The following SDCBP variants were observed in gnomAD, a reference collection of about 807,000 sequenced individuals.
SDCBP encodes syndecan binding protein, also known as syntenin-1.
In SDCBP, 22 loss-of-function variants were observed where a neutral mutation model predicts 30.5. The ratio of observed to expected loss-of-function variants is 0.72; its 90% CI spans 0.52 to 1.03. SDCBP has a LOEUF of 1.03. Among genes scored for constraint, SDCBP ranks in the 50% least tolerant of loss-of-function variants. SDCBP has a pLI of 0.00. For missense variants in SDCBP, 304 were observed against 369.9 expected (o/e 0.82, Z 1.46); for synonymous variants, 103 against 118.7 (o/e 0.87, Z 0.86).
chr8:58,554,789 T>C (rs1444362093), intron 1 of SDCBP, among the ~76,000 whole-genome samples: 2 of 152,228 alleles, frequency 1.3e-5, no homozygotes, highest in African/African-American at 2.4e-5. Context: ...CCCAAATAAC[T>C]TTGAAATACT....
chr8:58,581,809 C>T lies in SDCBP; in HGVS notation c.*69C>T. The T allele has an allele frequency of 7.8e-7, 1 of 1,277,240 alleles. No individual in the cohort carries two copies. Among genetic ancestry groups the T allele is most frequent in the Non-Finnish European group, 1.1e-6 (1 of 875,702 alleles). The allele number at this position is 1,277,240 out of a possible 1,614,324, so 79.1% of individuals were successfully genotyped here. A position where few individuals can be genotyped will look rare whatever the true frequency, so the allele number is the denominator to read the frequency against. On this transcript the variant is annotated 3_prime_UTR_variant, in exon 9 of 9. Coordinates refer to ENST00000260130, the MANE Select transcript of SDCBP (RefSeq NM_005625.4). ...CTTCTTTGGCAACTTCTGTATTATG[C>T]ACGTGAAGCCTTCCCGGAGCCAGCG...
At chr8:58,574,289 C>G (rs1278770110) in intron 4 of SDCBP, among the ~76,000 whole-genome samples, 1 of 152,050 alleles carries the variant, frequency 6.6e-6, no homozygotes, top group Non-Finnish European at 1.5e-5. Flanking sequence ...TAAAGTTAAC[C>G]ACTACCAACA....
rs1478345859 is a variant in SDCBP at position 58,579,770 on chromosome 8, T to C, written c.726T>C (p.Asn242=). 3.7e-6 allele frequency: 6 copies of C among 1,610,692 alleles called. No homozygotes were observed. The highest frequency in any genetic ancestry group is 5.1e-6 in the Non-Finnish European group (6 of 1,178,656). ...CGGAACATAACATCTGTGAAATCAATGGACAGAATGTCATTGGATTGAAGG... is the reference window on the plus strand; with the variant it reads ...CGGAACATAACATCTGTGAAATCAACGGACAGAATGTCATTGGATTGAAGG... The part of the protein sequence containing the change: ...LLTEHNICEI[N]GQNVIGLKDS... The change falls in exon 7 of 9, where the codon AAT becomes AAC. Residue 242 remains asparagine, a synonymous_variant. Transcript: ENST00000260130.
intron 8 of SDCBP, among the ~76,000 whole-genome samples, chr8:58,581,055 T>C (rs971630019): frequency 6.6e-6 from 1 of 152,192 alleles, no homozygotes; most frequent in Non-Finnish European, 1.5e-5. Context: ...GTGTTGGTGC[T>C]ATCTGTGCTC....
chr8:58,571,522 T>C (rs1349406577), intron 3 of SDCBP, among the ~76,000 whole-genome samples: 1 of 152,198 alleles, frequency 6.6e-6, no homozygotes, highest in Non-Finnish European at 1.5e-5. Flanking sequence ...AATAAGTTTT[T>C]GTGGCCTGTC....
chr8:58,570,637 A>C, intron 2 of SDCBP: 1 of 365,380 alleles, frequency 2.7e-6, no homozygotes, highest in Non-Finnish European at 4.9e-6. Context: ...TGCTGGTTAT[A>C]AGACATGTAG....
At position 58,575,896 on chromosome 8, in the gene SDCBP, T is replaced by A; in HGVS notation, c.241-4T>A. The A allele has an allele frequency of 6.2e-7, 1 of 1,608,060 alleles. No homozygotes were observed. The highest frequency in any genetic ancestry group is 1.1e-5 in the South Asian group (1 of 90,434). On this transcript the variant is annotated splice_polypyrimidine_tract_variant and splice_region_variant and intron_variant, in intron 4 of 8. Transcript: ENST00000260130. ...TATTGACACATTGTATATGGTTTTG[T>A]CAGCAGTTGGTAGCAAGACCTTCCA...
At chr8:58,579,443 TAAAAA>T (rs1243018257) in intron 6 of SDCBP, among the ~76,000 whole-genome samples, 175 bp from the exon 7 acceptor site, 1 of 151,898 alleles carries the variant, frequency 6.6e-6, no homozygotes, top group Non-Finnish European at 1.5e-5. Context: ...TGAATAAACT[TAAAAA>T]AAACTTTTAC....
chr8:58,581,755 T>C lies in SDCBP; in HGVS notation c.*15T>C, dbSNP rs1300348606. On this transcript the variant is annotated 3_prime_UTR_variant, in exon 9 of 9. Coordinates refer to ENST00000260130, the MANE Select transcript of SDCBP (RefSeq NM_005625.4). ...CTGAGGTTTAAAATTCACGGCACCA[T>C]GGAAATGTAGCTGAACGTCTCCAGT... 2.5e-5 allele frequency: 41 copies of C among 1,609,084 alleles called. No homozygotes were observed. The highest frequency in any genetic ancestry group is 3.3e-5 in the Non-Finnish European group (39 of 1,176,976).
In SDCBP at chr8:58,572,240, T is replaced by TA; in HGVS notation, c.167dup (p.Tyr56Ter). ...CAGACTGTATCCAGAGCTCTCTCAA[T>TA]ACATGGGGCTGAGTTTAAATGAAGA... ...YPRLYPELSQ[Y>*]MGLSLNEEEI... Residue 56 changes from tyrosine to a stop codon, truncating the protein, a stop_gained and frameshift_variant, in exon 4 of 9, where the codon TAC becomes TAAC. Coordinates refer to ENST00000260130, the MANE Select transcript of SDCBP (RefSeq NM_005625.4). LOFTEE classifies it high-confidence loss of function. The TA allele has an allele frequency of 6.2e-7, 1 of 1,611,718 alleles. No homozygotes were observed. The highest frequency in any genetic ancestry group is 8.5e-7 in the Non-Finnish European group (1 of 1,179,370).
intron 1 of SDCBP, among the ~76,000 whole-genome samples, chr8:58,556,833 A>ATATATATAAAATGTATGTAT (rs1461848849): frequency 6.9e-6 from 1 of 144,182 alleles, no homozygotes; most frequent in Non-Finnish European, 1.5e-5. Context: ...ATAAATACAT[A>ATATATATAAAATGTATGTAT]TATATATAAA....
At position 58,572,200 on chromosome 8, in the gene SDCBP, T is replaced by C. The variant is rs755031035; in HGVS notation, c.131-5T>C. The stretch of plus-strand genomic sequence containing the variant: ...TGCTTTTTAATTTATTCATTTACTT[T>C]TTAGATCTCTATCCCAGACTGTATC... On this transcript the variant is annotated splice_region_variant and splice_polypyrimidine_tract_variant and intron_variant, in intron 3 of 8. Coordinates refer to ENST00000260130, the MANE Select transcript of SDCBP (RefSeq NM_005625.4). 7 of 1,563,982 alleles carry C rather than the reference T, an allele frequency of 4.5e-6. No individual in the cohort carries two copies. The Admixed American group carries it at 1.0e-4, about 23-fold the overall frequency.
chr8:58,579,053 G>A (rs1400711191), intron 6 of SDCBP, among the ~76,000 whole-genome samples: 1 of 152,174 alleles, frequency 6.6e-6, no homozygotes, highest in Non-Finnish European at 1.5e-5. Context: ...CAACTCTAGA[G>A]GGACAGCTGG....
Position 58,579,714 on chromosome 8 carries a change from G to A in SDCBP, c.670G>A (p.Asp224Asn), listed in dbSNP as rs376181221. The change falls in exon 7 of 9, where the codon GAT becomes AAT. Residue 224 changes from aspartate to asparagine, a missense_variant. Physicochemically the swap from Asp to Asn is conservative, Grantham distance 23. Transcript: ENST00000260130. Reference protein sequence around the residue: ...KNGKITSIVKDSSAARNGLLT... With the variant: ...KNGKITSIVKNSSAARNGLLT... ...TGGAAAAATAACATCCATAGTGAAA[G>A]ATAGCTCTGCAGCCAGAAATGGTCT... is the stretch of plus-strand genomic sequence containing the variant. 1.3e-5 allele frequency: 21 copies of A among 1,612,644 alleles called. No homozygotes were observed. Among genetic ancestry groups the A allele is most frequent in the Non-Finnish European group, 1.6e-5 (19 of 1,179,468 alleles).
chr8:58,558,676 A>G (rs1340280457), intron 1 of SDCBP, among the ~76,000 whole-genome samples: 1 of 152,248 alleles, frequency 6.6e-6, no homozygotes, highest in Non-Finnish European at 1.5e-5. Context: ...TGTACTAGCT[A>G]TAATCTGAGG....
At chr8:58,557,876 T>A (rs930548819) in intron 1 of SDCBP, among the ~76,000 whole-genome samples, 3 of 152,222 alleles carry the variant, frequency 2.0e-5, no homozygotes, top group Non-Finnish European at 1.5e-5. Flanking sequence ...CGTACAATAA[T>A]AATGTTTGAT....
chr8:58,578,648 T>A (rs1805486414), intron 6 of SDCBP, among the ~76,000 whole-genome samples: 1 of 152,170 alleles, frequency 6.6e-6, no homozygotes, highest in African/African-American at 2.4e-5. Flanking sequence ...TTCAAGAACA[T>A]GGAATATTCT....
intron 1 of SDCBP, among the ~76,000 whole-genome samples, chr8:58,562,587 T>C (rs1031296693): frequency 6.6e-6 from 1 of 152,140 alleles, no homozygotes; most frequent in Admixed American, 6.5e-5. Context: ...AATTCAAAAA[T>C]GTTATTTTCA....
intron 4 of SDCBP, among the ~76,000 whole-genome samples, chr8:58,574,112 C>T (rs1404657324): frequency 6.6e-6 from 1 of 152,042 alleles, no homozygotes; most frequent in East Asian, 1.9e-4. Context: ...GCCATGTACC[C>T]TTCAATATAA....
Sources: gnomAD v4.1 joint callset for allele counts (sites outside exome capture counted in the v4.1 genomes callset) on GRCh38, gnomAD v4.1.1 for gene constraint, MANE v1.5 for transcripts, NCBI Gene and HGNC (gene_info 2026-07-23, HGNC 2026-07-21) for gene names.